The following NTN4 variants were observed in gnomAD, a reference collection of about 807,000 sequenced individuals.
NTN4 encodes netrin 4.
A neutral mutation model predicts 73.6 loss-of-function variants in NTN4; 32 were observed. That is an observed-to-expected ratio of 0.44 (90% CI 0.33 to 0.58). The LOEUF is 0.58. Ranked by LOEUF, NTN4 falls within the 20% of genes least tolerant of loss-of-function variation. The probability of loss-of-function intolerance (pLI) is 0.04; values close to 1 mark genes in which losing one functional copy is unlikely to be tolerated. For synonymous variants in NTN4, 258 were observed against 287.5 expected, an observed-to-expected ratio of 0.90 and a Z score of 1.04; for missense variants, 654 against 798.3, an observed-to-expected ratio of 0.82 and a Z score of 2.18.
At position 95,790,297 on chromosome 12, in the gene NTN4, C is replaced by G; in HGVS notation, c.13G>C (p.Ala5Pro). MGSC[A>P]RLLLLWGCTV... Reference sequence around the variant, plus strand: ...CAGCCCCAGAGCAGCAGCAGCCGCGCGCAGCTCCCCATGGCCGGGAGGAGC... The same window carrying G: ...CAGCCCCAGAGCAGCAGCAGCCGCGGGCAGCTCCCCATGGCCGGGAGGAGC... The change falls in exon 1 of 10, where the codon GCG becomes CCG. Residue 5 changes from alanine to proline, a missense_variant. Physicochemically the swap from Ala to Pro is conservative, Grantham distance 27. Coordinates refer to ENST00000343702, the MANE Select transcript of NTN4 (RefSeq NM_021229.4). This position sits in a 1 kb window ranked among gnomAD's most constrained non-coding sequence, Gnocchi z 6.5. 6.5e-7 allele frequency: 1 copy of G among 1,532,176 alleles called. No individual in the cohort carries two copies. Among genetic ancestry groups the G allele is most frequent in the Non-Finnish European group, 8.8e-7 (1 of 1,139,970 alleles). 94.9% of individuals were successfully genotyped at this position (1,532,176 alleles called of 1,614,324 possible).
chr12:95,685,254 CTCAA>C (rs766369688), intron 5 of NTN4, among the ~76,000 whole-genome samples: 17 of 152,212 alleles, frequency 1.1e-4, no homozygotes, highest in Non-Finnish European at 1.9e-4. Flanking sequence ...CCCTAGGCTT[CTCAA>C]TCAACCTACC....
chr12:95,708,771 T>A (rs1249774079), intron 5 of NTN4, among the ~76,000 whole-genome samples: 1 of 152,188 alleles, frequency 6.6e-6, no homozygotes, highest in African/African-American at 2.4e-5. Flanking sequence ...TTATCTTATA[T>A]ACACACTTTG....
rs1464647542 is a variant in NTN4 at position 95,658,419 on chromosome 12, T to C, written c.*667A>G. 6.6e-6 allele frequency: 1 copy of C among 152,586 alleles called. No homozygotes were observed. Among genetic ancestry groups the C allele is most frequent in the Non-Finnish European group, 1.5e-5 (1 of 68,044 alleles). The allele number at this position is 152,586 out of a possible 1,614,324, so 9.5% of individuals were successfully genotyped here. A position where few individuals can be genotyped will look rare whatever the true frequency, so the allele number is the denominator to read the frequency against. ...CATCTTCACCTAGTTTCTCCAAGTA[T>C]TCAGAGTTAAATAGCACAACTTCTT... On this transcript the variant is annotated 3_prime_UTR_variant, in exon 10 of 10. Coordinates refer to ENST00000343702, the MANE Select transcript of NTN4 (RefSeq NM_021229.4).
chr12:95,790,457 C>T lies in NTN4; in HGVS notation c.-148G>A. 1 of 628,668 alleles carries T rather than the reference C, an allele frequency of 1.6e-6. No individual in the cohort carries two copies. The highest frequency in any genetic ancestry group is 2.5e-6 in the Non-Finnish European group (1 of 404,910). 38.9% of individuals were successfully genotyped at this position (628,668 alleles called of 1,614,324 possible). On this transcript the variant is annotated 5_prime_UTR_variant, in exon 1 of 10. Coordinates refer to ENST00000343702, the MANE Select transcript of NTN4 (RefSeq NM_021229.4). The surrounding 1 kb of genome is among the most constrained non-coding windows in gnomAD (Gnocchi z 6.5). ...TGGGGCGCCGGGCTCGGTCAGCGGT[C>T]GCCGGCAGCTGGGAGCCAGGGGCCG... is the stretch of plus-strand genomic sequence containing the variant.
At position 95,713,488 on chromosome 12, in the gene NTN4, C is replaced by T. The variant is rs532851964; in HGVS notation, c.865-150G>A. 187 of 833,216 alleles carry T rather than the reference C, an allele frequency of 2.2e-4. 1 individual carries two copies. In the East Asian group the frequency reaches 5.2e-3, roughly 23 times the overall value. The allele number at this position is 833,216 out of a possible 1,614,324, so 51.6% of individuals were successfully genotyped here. On this transcript the variant is annotated intron_variant, in intron 3 of 9. Coordinates refer to ENST00000343702, the MANE Select transcript of NTN4 (RefSeq NM_021229.4). ...AAGTTAGCCATCAAGAGGAGAGATG[C>T]TTTCTTTAGTTTGTCTTATCATCTT... is the stretch of plus-strand genomic sequence containing the variant.
At chr12:95,675,983 CA>C (rs2078270452) in intron 7 of NTN4, among the ~76,000 whole-genome samples, 1 of 152,200 alleles carries the variant, frequency 6.6e-6, no homozygotes, top group Admixed American at 6.5e-5. Context: ...TCTAGTCCTG[CA>C]AATTATGTAG....
At chr12:95,663,733 A>G (rs943444109) in intron 9 of NTN4, 1 of 152,228 alleles carries the variant, frequency 6.6e-6, no homozygotes, top group Non-Finnish European at 1.5e-5. Flanking sequence ...GTTTTCAAGA[A>G]TTCTTTAAAT....
chr12:95,715,765 A>G (rs1241818020), intron 3 of NTN4, among the ~76,000 whole-genome samples: 2 of 152,110 alleles, frequency 1.3e-5, no homozygotes, highest in Non-Finnish European at 2.9e-5. Context: ...CCTCAGACAT[A>G]TTACTTTTAT....
intron 5 of NTN4, among the ~76,000 whole-genome samples, chr12:95,705,997 A>G (rs75538098): frequency 0.027 from 4,111 of 152,292 alleles, 94 homozygotes; most frequent in South Asian, 0.12. Context: ...AATAATAAAA[A>G]GTTACGGGTG....
chr12:95,680,915 C>T (rs1047003252), intron 7 of NTN4, among the ~76,000 whole-genome samples: 2 of 152,100 alleles, frequency 1.3e-5, no homozygotes, highest in African/African-American at 4.8e-5. Flanking sequence ...AACGGCCGGG[C>T]GCGGTGGCTC....
chr12:95,681,196 A>AAAG lies in NTN4; in HGVS notation c.1510+1510_1510+1511insCTT, dbSNP rs1201278051. Among the ~76,000 whole-genome samples, 3 of 151,174 alleles carry AAAG rather than the reference A, an allele frequency of 2.0e-5. No individual in the cohort carries two copies. The East Asian group carries it at 6.1e-4, about 31-fold the overall frequency. On this transcript the variant is annotated intron_variant, in intron 7 of 9. Transcript: ENST00000343702. ...AGAGTGAGACTTTGTCTCAAAAAAA[A>AAAG]AAAAAAAAAAAAAGAGTAGATATCA...
intron 2 of NTN4, among the ~76,000 whole-genome samples, chr12:95,765,695 CA>C (rs149214141): frequency 0.025 from 3,787 of 152,206 alleles, 51 homozygotes; most frequent in African/African-American, 0.04. Context: ...GAACTGGCCC[CA>C]AAAGTCTACT....
intron 2 of NTN4, among the ~76,000 whole-genome samples, chr12:95,758,375 C>G (rs2078961555): frequency 6.6e-6 from 1 of 152,138 alleles, no homozygotes; most frequent in Non-Finnish European, 1.5e-5. Context: ...ATCCTCTTCT[C>G]TGGTGAAGTG....
rs2079129981 is a variant in NTN4, at chr12:95,781,118, G to A, written c.585+5821C>T. ...GAACAATGAGAACACTTGGGCACAG[G>A]AAGGGGAACATCACACACACACCGG... On this transcript the variant is annotated intron_variant, in intron 2 of 9. Coordinates refer to ENST00000343702, the MANE Select transcript of NTN4 (RefSeq NM_021229.4). The surrounding 1 kb of genome is among the most constrained non-coding windows in gnomAD (Gnocchi z 4.1). Among the ~76,000 whole-genome samples the A allele has an allele frequency of 6.6e-6, 1 of 152,156 alleles. No homozygotes were observed. The highest frequency in any genetic ancestry group is 2.1e-4 in the South Asian group (1 of 4,830).
At chr12:95,788,444 T>C (rs1229018387) in intron 1 of NTN4, among the ~76,000 whole-genome samples, 5 of 152,256 alleles carry the variant, frequency 3.3e-5, no homozygotes, top group African/African-American at 1.2e-4. Context: ...GTACATACTA[T>C]AATCCTTTGA....
chr12:95,712,376 T>C (rs1011357435), intron 4 of NTN4, among the ~76,000 whole-genome samples: 9 of 152,222 alleles, frequency 5.9e-5, no homozygotes, highest in Non-Finnish European at 1.3e-4. Context: ...GTACCTAATA[T>C]GGAGTCTTGA....
At chr12:95,754,981 C>T (rs1464600159) in intron 2 of NTN4, among the ~76,000 whole-genome samples, 4 of 152,218 alleles carry the variant, frequency 2.6e-5, no homozygotes, top group African/African-American at 7.2e-5. Context: ...TGTCACTACA[C>T]ATTCACAACT....
intron 3 of NTN4, among the ~76,000 whole-genome samples, chr12:95,721,656 GTAA>G (rs1350020471): frequency 6.6e-6 from 1 of 152,274 alleles, no homozygotes; most frequent in East Asian, 1.9e-4. Flanking sequence ...GGTAAGAATG[GTAA>G]TAGGTAGTGT....
At chr12:95,760,194 A>G (rs919041123) in intron 2 of NTN4, among the ~76,000 whole-genome samples, 2 of 152,158 alleles carry the variant, frequency 1.3e-5, no homozygotes, top group Non-Finnish European at 2.9e-5. Flanking sequence ...GGCTAATTTA[A>G]CCCTATTACA....
Sources: allele counts gnomAD v4.1 joint callset (sites outside exome capture counted in the v4.1 genomes callset), GRCh38; gene constraint gnomAD v4.1.1; non-coding constraint Gnocchi (gnomAD v3.1); transcripts MANE v1.5; gene names NCBI Gene and HGNC (gene_info 2026-07-23, HGNC 2026-07-21).